The following PBX1 variants were observed in gnomAD, a reference collection of about 807,000 sequenced individuals.
PBX1 encodes pre-B-cell leukemia transcription factor 1.
Under a neutral mutation model 53.4 loss-of-function variants are expected in PBX1, and 6 were observed. That is an observed-to-expected ratio of 0.11 (90% CI 0.06 to 0.22). PBX1 has a LOEUF of 0.22. PBX1 is among the 10% of genes least tolerant of loss of function. The probability of loss-of-function intolerance (pLI) is 1.00; values close to 1 mark genes in which losing one functional copy is unlikely to be tolerated. For synonymous variants in PBX1, 204 were observed against 212.3 expected (o/e 0.96, Z 0.34); for missense variants, 251 against 551.4 (o/e 0.46, Z 5.46).
intron 2 of PBX1, among the ~76,000 whole-genome samples, chr1:164,766,084 A>C (rs1273764705): frequency 6.6e-6 from 1 of 152,212 alleles, no homozygotes; most frequent in Non-Finnish European, 1.5e-5. Flanking sequence ...GCTGATGGCC[A>C]TGATGATATT....
intron 2 of PBX1, chr1:164,641,337 A>G (rs1279657903): frequency 6.5e-6 from 1 of 152,796 alleles, no homozygotes; most frequent in African/African-American, 2.4e-5. Context: ...AGTTCCCACT[A>G]TGGTACCTAG....
chr1:164,776,981 A>AGGTGTGAGAGAGGG (rs1667702841), intron 2 of PBX1, among the ~76,000 whole-genome samples: 1 of 15,042 alleles, frequency 6.6e-5, no homozygotes. Flanking sequence ...GAGAGAGAGG[A>AGGTGTGAGAGAGGG]GGTGTGGGGG....
chr1:164,758,377 G>C (rs1416256265), intron 2 of PBX1, among the ~76,000 whole-genome samples: 4 of 152,160 alleles, frequency 2.6e-5, no homozygotes, highest in Non-Finnish European at 4.4e-5. Context: ...GGCTTGGTGG[G>C]AAGTGACACT....
chr1:164,815,720 AACTC>A (rs1240990884), intron 6 of PBX1: 3 of 152,188 alleles, frequency 2.0e-5, no homozygotes, highest in Non-Finnish European at 4.4e-5. Flanking sequence ...ATCTTGTGAG[AACTC>A]ACTCACTATC....
chr1:164,695,493 C>T (rs1319218533), intron 2 of PBX1, among the ~76,000 whole-genome samples: 1 of 152,246 alleles, frequency 6.6e-6, no homozygotes, highest in African/African-American at 2.4e-5. Context: ...CCCTAAAACA[C>T]TCTTACTGAT....
chr1:164,695,906 A>G (rs1160158982), intron 2 of PBX1, among the ~76,000 whole-genome samples: 1 of 152,142 alleles, frequency 6.6e-6, no homozygotes, highest in Non-Finnish European at 1.5e-5. Context: ...CTCAGTTTCT[A>G]TGTGTATGGT....
At chr1:164,628,191 C>G (rs1658170253) in intron 2 of PBX1, among the ~76,000 whole-genome samples, 1 of 152,166 alleles carries the variant, frequency 6.6e-6, no homozygotes, top group African/African-American at 2.4e-5. Context: ...CTCTGAAAGG[C>G]TTCACTGCAG....
intron 2 of PBX1, chr1:164,700,662 A>T (rs1489837081): frequency 2.0e-6 from 2 of 985,106 alleles, no homozygotes; most frequent in African/African-American, 1.7e-5. Flanking sequence ...TCAGGTGGAG[A>T]CCCTGCAGCA....
chr1:164,821,646 C>G lies in PBX1; in HGVS notation c.1200+20C>G, dbSNP rs529421679. Reference sequence around the variant, plus strand: ...ATCAGTGTAAGAAAACAAGCCCCCCCACCCCCTGCTTTGTTTTTATTCTTT... The same window carrying G: ...ATCAGTGTAAGAAAACAAGCCCCCCGACCCCCTGCTTTGTTTTTATTCTTT... On this transcript the variant is annotated intron_variant, in intron 8 of 8. Transcript: ENST00000420696. The G allele has an allele frequency of 5.7e-6, 9 of 1,589,476 alleles. No homozygotes were observed. Among genetic ancestry groups the G allele is most frequent in the Admixed American group, 1.7e-5 (1 of 59,930 alleles).
At chr1:164,707,014 G>A (rs1019473562) in intron 2 of PBX1, among the ~76,000 whole-genome samples, 4 of 152,192 alleles carry the variant, frequency 2.6e-5, no homozygotes. Context: ...TGGCCAGTTT[G>A]CCATCTGTAG....
Position 164,870,299 on chromosome 1 carries a change from TTC to T in PBX1, n.258-28887_258-28886del, listed in dbSNP as rs1225204935. Among the ~76,000 whole-genome samples, 6 of 57,028 alleles carry T rather than the reference TTC, an allele frequency of 1.1e-4. No homozygotes were observed. In the East Asian group the frequency reaches 2.4e-3, roughly 23 times the overall value. 37.4% of individuals were successfully genotyped at this position (57,028 alleles called of 152,430 possible). ...TTTCTTTCTTTCTTTCTTTCTTTCTTTCTTTCTTTCTTTCTTTCTTTCTTTCT... is the reference window on the plus strand; with the variant it reads ...TTTCTTTCTTTCTTTCTTTCTTTCTTTTTCTTTCTTTCTTTCTTTCTTTCT... On this transcript the variant is annotated intron_variant and non_coding_transcript_variant, in intron 2 of 2. Coordinates refer to the PBX1 transcript ENST00000558796.
intron 3 of PBX1, 114 bp from the exon 4 acceptor site, chr1:164,799,585 G>A (rs1009955485): frequency 1.1e-6 from 1 of 900,126 alleles, no homozygotes; most frequent in Admixed American, 2.4e-5. Flanking sequence ...AACTATCCTA[G>A]TTTTCTTTAT....
intron 2 of PBX1, among the ~76,000 whole-genome samples, chr1:164,872,707 A>G (rs532231103): frequency 6.6e-6 from 1 of 152,348 alleles, no homozygotes; most frequent in South Asian, 2.1e-4. Context: ...GCAAGGAGTC[A>G]TATAATGCTC....
intron 2 of PBX1, among the ~76,000 whole-genome samples, chr1:164,873,912 AT>A (rs2102457571): frequency 6.6e-6 from 1 of 151,672 alleles, no homozygotes; most frequent in African/African-American, 2.4e-5. Flanking sequence ...GAGTAAATAC[AT>A]TTTTACTGGC....
intron 2 of PBX1, chr1:164,884,549 C>A: frequency 2.0e-6 from 1 of 512,394 alleles, no homozygotes; most frequent in Admixed American, 2.3e-5. Flanking sequence ...CAGGAAATTG[C>A]AAGAACCTAT....
At chr1:164,811,956 G>C in intron 5 of PBX1, 34 bp from the exon 6 acceptor site, 2 of 1,576,972 alleles carry the variant, frequency 1.3e-6, no homozygotes, top group Non-Finnish European at 1.7e-6. Context: ...AGGATGAAAT[G>C]TGAACTTTCT....
intron 2 of PBX1, among the ~76,000 whole-genome samples, chr1:164,696,849 A>G (rs1408689298): frequency 6.6e-6 from 1 of 152,230 alleles, no homozygotes; most frequent in East Asian, 1.9e-4. Flanking sequence ...CACTAGTTCC[A>G]GTGACCTCTT....
chr1:164,814,542 C>A (rs1280047337), intron 6 of PBX1: 1 of 152,110 alleles, frequency 6.6e-6, no homozygotes, highest in Non-Finnish European at 1.5e-5. Flanking sequence ...GAGTTTGAGA[C>A]CAGCCTGGCC....
chr1:164,799,924 G>C lies in PBX1; in HGVS notation c.701+35G>C, dbSNP rs557883649. 1.4e-4 allele frequency: 221 copies of C among 1,573,068 alleles called. 1 individual carries two copies. In the South Asian group the frequency reaches 2.3e-3, roughly 16 times the overall value. On this transcript the variant is annotated intron_variant, in intron 4 of 8. Coordinates refer to ENST00000420696, the MANE Select transcript of PBX1 (RefSeq NM_002585.4). The stretch of plus-strand genomic sequence containing the variant: ...CCATGGGGCTGTCCTGCCCTCTCTG[G>C]GAGTCCCTGATCTGGGGCTGGAGTC...
Sources: allele counts gnomAD v4.1 joint callset (sites outside exome capture counted in the v4.1 genomes callset), GRCh38; gene constraint gnomAD v4.1.1; transcripts MANE v1.5; gene names NCBI Gene and HGNC (gene_info 2026-07-23, HGNC 2026-07-21).